The following TRMT9B variants were observed in gnomAD, a reference collection of about 807,000 sequenced individuals.
TRMT9B encodes probable tRNA methyltransferase 9B.
In TRMT9B, 16 loss-of-function variants were observed where a neutral mutation model predicts 11.5. The observed-to-expected ratio is 1.39, with a 90% CI of 0.94 to 2.11. The LOEUF (loss-of-function observed/expected upper bound fraction) is 2.11, where lower values mean the gene tolerates loss of function less well. TRMT9B is among the 30% of genes most tolerant of loss of function. The probability of loss-of-function intolerance (pLI) is 0.00; values close to 1 mark genes in which losing one functional copy is unlikely to be tolerated. For synonymous variants in TRMT9B, 274 were observed against 192.4 expected (o/e 1.42, Z -3.51); for missense variants, 941 against 553.8 (o/e 1.70, Z -7.02).
chr8:13,002,410 T>C (rs554821575), intron 2 of TRMT9B, among the ~76,000 whole-genome samples: 3 of 152,200 alleles, frequency 2.0e-5, no homozygotes, highest in Non-Finnish European at 4.4e-5. Context: ...GCACACAGTG[T>C]TTCTGTTTTT....
chr8:13,008,783 C>G (rs1026830176), intron 3 of TRMT9B, among the ~76,000 whole-genome samples: 5 of 152,126 alleles, frequency 3.3e-5, no homozygotes, highest in Non-Finnish European at 7.3e-5. Context: ...GGCTGGAGTG[C>G]AGGGGCGCCA....
chr8:12,952,792 T>C, intron 1 of TRMT9B: 3 of 570,444 alleles, frequency 5.3e-6, no homozygotes, highest in Non-Finnish European at 6.7e-6. Flanking sequence ...CAGGCTGGAG[T>C]GCAATGGCAC....
intron 1 of TRMT9B, among the ~76,000 whole-genome samples, chr8:12,973,898 A>ACC: frequency 6.6e-6 from 1 of 152,242 alleles, no homozygotes; most frequent in South Asian, 2.1e-4. Context: ...GGTGGCTCAT[A>ACC]CCTGTAATCC....
At chr8:12,967,529 T>C (rs764764663) in intron 1 of TRMT9B, among the ~76,000 whole-genome samples, 2 of 152,234 alleles carry the variant, frequency 1.3e-5, no homozygotes, top group Non-Finnish European at 2.9e-5. Context: ...CAGTTACCAT[T>C]TGACCAACTC....
Position 13,010,567 on chromosome 8 carries a change from C to G in TRMT9B, c.155-2117C>G, listed in dbSNP as rs1811402340. On this transcript the variant is annotated intron_variant, in intron 3 of 4. Transcript: ENST00000524591. ...GAAGGCCATTAGAAATGAATAGGGG[C>G]AAATCAAGAGTTCTAGGGCACTGGA... The G allele has an allele frequency of 4.1e-6, 4 of 985,000 alleles. No homozygotes were observed. In the South Asian group the frequency reaches 1.4e-4, roughly 35 times the overall value. 61.0% of individuals were successfully genotyped at this position (985,000 alleles called of 1,614,324 possible).
Position 12,965,705 on chromosome 8 carries a change from T to G in TRMT9B, c.-200+19739T>G, listed in dbSNP as rs1585116227. On this transcript the variant is annotated intron_variant, in intron 1 of 4. Coordinates refer to ENST00000524591, the MANE Select transcript of TRMT9B (RefSeq NM_020844.3). ...AGACAGGCACAATGAGAGTGAGAAG[T>G]GGCAGCCGACAGCAAGGTGGGGCAG... is the stretch of plus-strand genomic sequence containing the variant. 2.0e-5 allele frequency among the ~76,000 whole-genome samples: 3 copies of G among 151,542 alleles called. 1 individual carries two copies. The South Asian group carries it at 6.3e-4, about 32-fold the overall frequency.
chr8:12,981,765 A>AT (rs1027031570), intron 1 of TRMT9B, among the ~76,000 whole-genome samples: 1 of 151,646 alleles, frequency 6.6e-6, no homozygotes, highest in Admixed American at 6.6e-5. Context: ...ACACCCGGCT[A>AT]TTTTTCAATC....
chr8:13,013,084 GT>G (rs888594638), intron 4 of TRMT9B, among the ~76,000 whole-genome samples: 1 of 152,146 alleles, frequency 6.6e-6, no homozygotes, highest in African/African-American at 2.4e-5. Flanking sequence ...TGGTATTGCA[GT>G]TTTTTTATGA....
intron 1 of TRMT9B, among the ~76,000 whole-genome samples, chr8:12,961,135 A>C (rs376560642): frequency 3.3e-5 from 5 of 152,210 alleles, no homozygotes; most frequent in East Asian, 3.9e-4. Flanking sequence ...GTGAGACTCC[A>C]TCTCAAAACA....
intron 1 of TRMT9B, among the ~76,000 whole-genome samples, chr8:12,973,888 G>A (rs10087593): frequency 0.025 from 3,784 of 152,214 alleles, 171 homozygotes; most frequent in African/African-American, 0.086. Context: ...GGCCATATGC[G>A]GTGGCTCATA....
At chr8:12,978,892 T>C (rs944407964) in intron 1 of TRMT9B, among the ~76,000 whole-genome samples, 3 of 152,218 alleles carry the variant, frequency 2.0e-5, no homozygotes, top group Non-Finnish European at 4.4e-5. Flanking sequence ...TCTCTCTCTT[T>C]GGCAGTCACC....
In TRMT9B at chr8:13,005,408, C is replaced by T. The variant is rs1047776038; in HGVS notation, c.-1-794C>T. Among the ~76,000 whole-genome samples the T allele has an allele frequency of 3.9e-5, 6 of 152,080 alleles. No individual in the cohort carries two copies. In the South Asian group the frequency reaches 8.3e-4, roughly 21 times the overall value. On this transcript the variant is annotated intron_variant, in intron 2 of 4. Transcript: ENST00000524591. Reference sequence around the variant, plus strand: ...TATAGTAAAAAAAAATTTATTTGTACATTTTTAAATGACTAAAAGAGTATA... The same window carrying T: ...TATAGTAAAAAAAAATTTATTTGTATATTTTTAAATGACTAAAAGAGTATA...
intron 2 of TRMT9B, among the ~76,000 whole-genome samples, chr8:13,005,909 A>G (rs1810370730): frequency 6.6e-6 from 1 of 152,246 alleles, no homozygotes; most frequent in Non-Finnish European, 1.5e-5. Flanking sequence ...AATTTTGGCT[A>G]TGCTTCCAAA....
intron 2 of TRMT9B, among the ~76,000 whole-genome samples, chr8:12,994,826 C>T (rs974722827): frequency 6.6e-6 from 1 of 152,156 alleles, no homozygotes; most frequent in Non-Finnish European, 1.5e-5. Context: ...GGATTATAGG[C>T]ATGCACCACC....
At chr8:12,946,068 T>C (rs546978829) in intron 1 of TRMT9B, 102 bp downstream of exon 1, 3 of 152,346 alleles carry the variant, frequency 2.0e-5, no homozygotes, top group Admixed American at 6.5e-5. Flanking sequence ...TGAGGGTAGA[T>C]ATCTTATCTG....
chr8:13,001,061 A>G (rs954788343), intron 2 of TRMT9B, among the ~76,000 whole-genome samples: 1 of 152,066 alleles, frequency 6.6e-6, no homozygotes, highest in Non-Finnish European at 1.5e-5. Flanking sequence ...TCCCCCCACC[A>G]TGTTATGAAG....
chr8:12,997,818 C>A (rs563596952), intron 2 of TRMT9B, among the ~76,000 whole-genome samples: 5 of 152,184 alleles, frequency 3.3e-5, no homozygotes, highest in African/African-American at 1.2e-4. Context: ...TTAGTTGTTG[C>A]TGTCAGGCGG....
At chr8:12,947,851 C>A (rs1478315533) in intron 1 of TRMT9B, among the ~76,000 whole-genome samples, 1 of 152,172 alleles carries the variant, frequency 6.6e-6, no homozygotes, top group African/African-American at 2.4e-5. Flanking sequence ...GAATTGGTCA[C>A]ATTTGGAAAG....
In TRMT9B at chr8:13,021,722, A is replaced by G. The variant is rs368995162; in HGVS notation, c.1043A>G (p.Asn348Ser). The change falls in exon 5 of 5, where the codon AAT (asparagine) becomes AGT (serine). Residue 348 changes from asparagine (N) to serine (S), a missense_variant. Coordinates refer to ENST00000524591, the MANE Select transcript of TRMT9B (RefSeq NM_020844.3). ...GAAATGAGGAGAAATGGAGGGGGAA[A>G]TTTTCTGGATAGCACTAATACTGGT... ...QGEMRRNGGGNFLDSTNTGVN... is the reference protein window; with the variant it reads ...QGEMRRNGGGSFLDSTNTGVN... The G allele has an allele frequency of 2.5e-6, 4 of 1,613,906 alleles. No homozygotes were observed. The highest frequency in any genetic ancestry group is 1.1e-5 in the South Asian group (1 of 91,072).
Sources: allele counts gnomAD v4.1 joint callset (sites outside exome capture counted in the v4.1 genomes callset), GRCh38; gene constraint gnomAD v4.1.1; transcripts MANE v1.5; gene names NCBI Gene and HGNC (gene_info 2026-07-23, HGNC 2026-07-21).